The following ZACN variants were observed in gnomAD, a reference collection of about 807,000 sequenced individuals.
ZACN encodes zinc activated ion channel.
ZACN carries 52 observed loss-of-function variants against 38.9 expected under a neutral mutation model. That is an observed-to-expected ratio of 1.34 (90% CI 1.07 to 1.68). The LOEUF (loss-of-function observed/expected upper bound fraction) is 1.68, where lower values mean the gene tolerates loss of function less well. ZACN is among the 40% of genes most tolerant of loss of function. ZACN has a pLI of 0.00. For missense variants in ZACN, 559 were observed against 525.6 expected, an observed-to-expected ratio of 1.06 and a Z score of -0.62; for synonymous variants, 235 against 227.4, an observed-to-expected ratio of 1.03 and a Z score of -0.30.
At chr17:76,081,009 T>G (rs946401972) in intron 5 of ZACN, 8 of 427,568 alleles carry the variant, frequency 1.9e-5, no homozygotes, top group Non-Finnish European at 3.5e-5. Flanking sequence ...CACTTCTCCC[T>G]CCATCATGAA....
rs764095911 is a variant in ZACN, at chr17:76,079,376, AG to A, written c.97+17del. On this transcript the variant is annotated intron_variant, in intron 1 of 8. Coordinates refer to ENST00000334586, the MANE Select transcript of ZACN (RefSeq NM_180990.4). The stretch of plus-strand genomic sequence containing the variant: ...GACAGCAGCCAGTAGGTGGAGGGCA[AG>A]GTCATAAGCTTTGGGACTTGGGCCC... 60 of 1,614,008 alleles carry A rather than the reference AG, an allele frequency of 3.7e-5. No individual in the cohort carries two copies. In the South Asian group the frequency reaches 6.5e-4, roughly 17 times the overall value.
At position 76,081,671 on chromosome 17, in the gene ZACN, G is replaced by A; in HGVS notation, c.796G>A (p.Val266Met). ...LRAIERIGYK[V>M]TLLLSYLVLH... ...GGCCATTGAGCGCATAGGCTACAAG[G>A]TGACATTGCTGCTGAGTTACCTCGT... Residue 266 changes from valine (V) to methionine (M), a missense_variant, in exon 7 of 9, where the codon GTG becomes ATG. Transcript: ENST00000334586. 3 of 1,614,174 alleles carry A rather than the reference G, an allele frequency of 1.9e-6. No individual in the cohort carries two copies. The highest frequency in any genetic ancestry group is 1.6e-4 in the Middle Eastern group (1 of 6,062).
At position 76,080,314 on chromosome 17, in the gene ZACN, TGAA is replaced by T; in HGVS notation, c.436_438del (p.Lys146del). 6.2e-7 allele frequency: 1 copy of T among 1,613,754 alleles called. No homozygotes were observed. ...GCTCGAGTAGACCAGGACGGCCACG[TGAA>T]GCTCAACCTGGCCCTCGCCACGGAG... On this transcript the variant is annotated inframe_deletion, in exon 5 of 9. Coordinates refer to ENST00000334586, the MANE Select transcript of ZACN (RefSeq NM_180990.4).
chr17:76,079,809 C>T (rs1464658086), intron 3 of ZACN, 63 bp downstream of exon 3: 3 of 1,603,352 alleles, frequency 1.9e-6, no homozygotes, highest in Admixed American at 1.7e-5. Flanking sequence ...TCAGAACTAC[C>T]AGCCTTCATC....
chr17:76,080,565 G>A (rs1477254609), intron 5 of ZACN, 141 bp downstream of exon 5: 3 of 1,204,692 alleles, frequency 2.5e-6, no homozygotes, highest in African/African-American at 1.5e-5. Flanking sequence ...TCCCAGGTCT[G>A]TGTTCAGAGC....
chr17:76,079,575 T>C lies in ZACN; in HGVS notation c.222+12T>C, dbSNP rs750752974. On this transcript the variant is annotated intron_variant, in intron 2 of 8. Transcript: ENST00000334586. ...ACGTGTTTAATGTGGTAAGTGCCTC[T>C]AGGCCAAGGGCCCCAAGTGCTGAGC... 1.9e-6 allele frequency: 3 copies of C among 1,614,050 alleles called. No homozygotes were observed. The highest frequency in any genetic ancestry group is 1.3e-5 in the African/African-American group (1 of 74,936).
At chr17:76,082,374 T>C in intron 8 of ZACN, 89 bp from the exon 9 acceptor site, 4 of 1,344,114 alleles carry the variant, frequency 3.0e-6, no homozygotes, top group Non-Finnish European at 4.1e-6. Context: ...AAGGAAGCGA[T>C]ACAGGCTGAT....
Position 76,080,301 on chromosome 17 carries a change from C to A in ZACN, c.421C>A (p.Gln141Lys). 6.2e-7 allele frequency: 1 copy of A among 1,613,754 alleles called. No individual in the cohort carries two copies. Among genetic ancestry groups the A allele is most frequent in the Non-Finnish European group, 8.5e-7 (1 of 1,179,842 alleles). The change falls in exon 5 of 9, where the codon CAG becomes AAG. Residue 141 changes from glutamine (Q) to lysine (K), a missense_variant. By Grantham distance (53) the Gln-to-Lys change is moderately conservative. Transcript: ENST00000334586. ...RDQSPQARVD[Q>K]DGHVKLNLAL... The stretch of plus-strand genomic sequence containing the variant: ...CCAGAGCCCCCAGGCTCGAGTAGAC[C>A]AGGACGGCCACGTGAAGCTCAACCT...
In ZACN at chr17:76,081,750, TG is replaced by T; in HGVS notation, c.876del (p.Leu293SerfsTer17). On this transcript the variant is annotated frameshift_variant, in exon 7 of 9. Coordinates refer to ENST00000334586, the MANE Select transcript of ZACN (RefSeq NM_180990.4). LOFTEE classifies it high-confidence loss of function. ...CCCAGCTCCTCCTCCTGCAACCCACTGCTCAGTAAGCCCTGCTCCCTTACCC... is the reference window on the plus strand; with the variant it reads ...CCCAGCTCCTCCTCCTGCAACCCACTCTCAGTAAGCCCTGCTCCCTTACCC... ...ALPSSSSCNPLLIYYFTILLL... is the reference protein window; with the variant it reads ...ALPSSSSCNPXLIYYFTILLL... The T allele has an allele frequency of 6.2e-7, 1 of 1,614,028 alleles. No homozygotes were observed. The highest frequency in any genetic ancestry group is 8.5e-7 in the Non-Finnish European group (1 of 1,179,960).
chr17:76,082,271 C>T (rs1006440770), intron 8 of ZACN, 192 bp from the exon 9 acceptor site: 8 of 778,776 alleles, frequency 1.0e-5, no homozygotes, highest in Admixed American at 3.0e-5. Flanking sequence ...CCCCTGATAA[C>T]CCATGCCTTG....
chr17:76,080,099 C>G (rs1192495667), intron 4 of ZACN, 105 bp downstream of exon 4: 1 of 1,462,700 alleles, frequency 6.8e-7, no homozygotes, highest in African/African-American at 1.4e-5. Context: ...TCCTGGCGGT[C>G]CCCGCCGGAC....
intron 5 of ZACN, chr17:76,080,632 A>C: frequency 1.4e-6 from 1 of 732,340 alleles, no homozygotes; most frequent in East Asian, 2.8e-5. Flanking sequence ...CCCCCACTCG[A>C]GTGGCAGCCC....
Position 76,081,621 on chromosome 17 carries a change from T to C in ZACN, c.746T>C (p.Val249Ala). Residue 249 changes from valine (V) to alanine (A), a missense_variant, in exon 7 of 9, where the codon GTG becomes GCG. By Grantham distance (64) the Val-to-Ala change is moderately conservative. Transcript: ENST00000334586. ...VPAEALLLAD[V>A]CGGLLPLRAI... ...GCAGAGGCACTGCTGTTGGCTGACG[T>C]GTGCGGGGGGTTGCTGCCCCTCCGG... 6.2e-7 allele frequency: 1 copy of C among 1,614,050 alleles called. No individual in the cohort carries two copies. Among genetic ancestry groups the C allele is most frequent in the Non-Finnish European group, 8.5e-7 (1 of 1,180,038 alleles).
Position 76,079,333 on chromosome 17 carries a change from C to T in ZACN, c.69C>T (p.His23=), listed in dbSNP as rs202021985. 70 of 1,614,112 alleles carry T rather than the reference C, an allele frequency of 4.3e-5. No homozygotes were observed. Among genetic ancestry groups the T allele is most frequent in the Admixed American group, 1.7e-4 (10 of 60,010 alleles). ...TCAGCATTACCTTGCTGTTGGTCCA[C>T]GGGCAGGGCTTCCAAGGGACAGCAG... ...LGFSITLLLV[H]GQGFQGTAAI... The change falls in exon 1 of 9, where the codon CAC becomes CAT. Residue 23 remains histidine, a synonymous_variant. Transcript: ENST00000334586.
intron 5 of ZACN, 56 bp downstream of exon 5, chr17:76,080,480 G>A: frequency 7.5e-6 from 12 of 1,600,786 alleles, no homozygotes; most frequent in African/African-American, 1.3e-5. Context: ...GGTGGGGGAG[G>A]GGAACTCCCA....
In ZACN at chr17:76,079,437, A is replaced by T. The variant is rs1180108408; in HGVS notation, c.98-2A>T. ...TGAGTGACCTTGACTTTTCTCTCTC[A>T]GTCTGGCCATCCCTCTTCAACGTCA... On this transcript the variant is annotated splice_acceptor_variant, in intron 1 of 8. Coordinates refer to ENST00000334586, the MANE Select transcript of ZACN (RefSeq NM_180990.4). LOFTEE classifies it high-confidence loss of function. The T allele has an allele frequency of 2.5e-6, 4 of 1,613,030 alleles. No individual in the cohort carries two copies. The highest frequency in any genetic ancestry group is 4.6e-5 in the East Asian group (2 of 43,848).
Position 76,079,731 on chromosome 17 carries a change from G to A in ZACN, c.252G>A (p.Met84Ile), listed in dbSNP as rs1350083524. The A allele has an allele frequency of 1.2e-6, 2 of 1,613,734 alleles. No individual in the cohort carries two copies. Among genetic ancestry groups the A allele is most frequent in the Middle Eastern group, 3.3e-4 (2 of 6,060 alleles). Residue 84 changes from methionine to isoleucine, a missense_variant, in exon 3 of 9, where the codon ATG becomes ATA. By Grantham distance (10) the Met-to-Ile change is conservative. Transcript: ENST00000334586. Reference sequence around the variant, plus strand: ...TCCTGCGATACACAATGTCCTCCATGCTGCTGCTTAGGCTGGTGAGCTCCT... The same window carrying A: ...TCCTGCGATACACAATGTCCTCCATACTGCTGCTTAGGCTGGTGAGCTCCT... The part of the protein sequence containing the change: ...VDILRYTMSS[M>I]LLLRLSWLDT...
In ZACN at chr17:76,081,533, T is replaced by C; in HGVS notation, c.670-12T>C. 1 of 1,612,984 alleles carries C rather than the reference T, an allele frequency of 6.2e-7. No homozygotes were observed. Among genetic ancestry groups the C allele is most frequent in the African/African-American group, 1.3e-5 (1 of 75,058 alleles). On this transcript the variant is annotated splice_polypyrimidine_tract_variant and intron_variant, in intron 6 of 8. Transcript: ENST00000334586. ...CCCCCCGCCGGGAAGGCCCTGACTT[T>C]TCCCCTTCCAGCTGAGGCTGAAGAA... is the stretch of plus-strand genomic sequence containing the variant.
At chr17:76,080,695 A>C in intron 5 of ZACN, 1 of 598,500 alleles carries the variant, frequency 1.7e-6, no homozygotes, top group Non-Finnish European at 3.1e-6. Context: ...GACAGACTCA[A>C]ACATTCGCAG....
Sources: allele counts gnomAD v4.1 joint callset, GRCh38; gene constraint gnomAD v4.1.1; transcripts MANE v1.5; gene names NCBI Gene and HGNC (gene_info 2026-07-23, HGNC 2026-07-21).